NRXN3: variants seen among roughly 807,000 people sequenced by gnomAD.
NRXN3 encodes neurexin 3.
A neutral mutation model predicts 137.6 loss-of-function variants in NRXN3; 32 were observed. The observed-to-expected ratio is 0.23, with a 90% CI of 0.18 to 0.31. The LOEUF (loss-of-function observed/expected upper bound fraction) is 0.31, where lower values mean the gene tolerates loss of function less well. Ranked by LOEUF, NRXN3 falls within the 10% of genes least tolerant of loss-of-function variation. The pLI, the probability that NRXN3 is intolerant of heterozygous loss-of-function variation, is 1.00. For missense variants in NRXN3, 1,574 were observed against 2,062.5 expected (o/e 0.76, Z 4.59); for synonymous variants, 798 against 784.5 (o/e 1.02, Z -0.29).
Position 79,692,252 on chromosome 14 carries a change from G to T in NRXN3, c.3696G>T (p.Leu1232=). The T allele has an allele frequency of 6.2e-7, 1 of 1,605,086 alleles. No individual in the cohort carries two copies. The highest frequency in any genetic ancestry group is 8.5e-7 in the Non-Finnish European group (1 of 1,175,926). ...FKYNRPVEEW[L]QEKGRQLTIF... Reference sequence around the variant, plus strand: ...ATAATCGGCCTGTAGAGGAGTGGCTGCAGGAAAAAGGTAACCGTCATTAAA... The same window carrying T: ...ATAATCGGCCTGTAGAGGAGTGGCTTCAGGAAAAAGGTAACCGTCATTAAA... Residue 1232 remains leucine (L), a synonymous_variant, in exon 18 of 21, where the codon CTG becomes CTT. Coordinates refer to ENST00000335750, the MANE Select transcript of NRXN3 (RefSeq NM_001330195.2).
At chr14:78,887,334 T>G (rs1402237612) in intron 10 of NRXN3, among the ~76,000 whole-genome samples, 2 of 152,072 alleles carry the variant, frequency 1.3e-5, no homozygotes, top group East Asian at 3.9e-4. Context: ...GGCTGATGAT[T>G]TGTTTAGGCT....
chr14:79,442,203 A>G (rs1317515953), intron 15 of NRXN3, among the ~76,000 whole-genome samples: 1 of 152,242 alleles, frequency 6.6e-6, no homozygotes, highest in African/African-American at 2.4e-5. Context: ...TTATGATGAT[A>G]TAAGCATTGT....
intron 16 of NRXN3, among the ~76,000 whole-genome samples, chr14:79,528,407 G>T (rs2097140762): frequency 6.6e-6 from 1 of 152,034 alleles, no homozygotes; most frequent in African/African-American, 2.4e-5. Context: ...TACTATTTTA[G>T]GTTTACTGTT....
At chr14:79,332,650 T>C (rs1274571566) in intron 15 of NRXN3, among the ~76,000 whole-genome samples, 1 of 152,222 alleles carries the variant, frequency 6.6e-6, no homozygotes, top group Admixed American at 6.5e-5. Flanking sequence ...TCTTCTGGGT[T>C]TTCCCAGCGC....
At chr14:78,235,971 G>T (rs1161916810) in intron 1 of NRXN3, among the ~76,000 whole-genome samples, 1 of 152,176 alleles carries the variant, frequency 6.6e-6, no homozygotes, top group Non-Finnish European at 1.5e-5. Context: ...TAGAAGAGAG[G>T]TTGGTTTTGA....
At chr14:79,833,932 A>G (rs1207073653) in intron 20 of NRXN3, among the ~76,000 whole-genome samples, 1 of 152,194 alleles carries the variant, frequency 6.6e-6, no homozygotes, top group East Asian at 1.9e-4. Context: ...CCATTCTAAT[A>G]TATATCTGCA....
chr14:78,595,250 C>A (rs1277483830), intron 4 of NRXN3, among the ~76,000 whole-genome samples: 1 of 152,142 alleles, frequency 6.6e-6, no homozygotes, highest in Non-Finnish European at 1.5e-5. Flanking sequence ...TCCCTGCTGG[C>A]CCCAGAAATT....
intron 15 of NRXN3, among the ~76,000 whole-genome samples, chr14:79,355,669 TAAAC>T (rs1182550908): frequency 6.6e-6 from 1 of 152,182 alleles, no homozygotes; most frequent in Non-Finnish European, 1.5e-5. Flanking sequence ...AAAGACAAAA[TAAAC>T]AATAAATATT....
chr14:78,315,235 C>T (rs944527942), intron 4 of NRXN3, among the ~76,000 whole-genome samples: 8 of 151,962 alleles, frequency 5.3e-5, no homozygotes, highest in African/African-American at 1.2e-4. Flanking sequence ...TAAGTTGATC[C>T]GCCCACCTCA....
chr14:78,429,578 CAGAT>C (rs2093796647), intron 4 of NRXN3, among the ~76,000 whole-genome samples: 1 of 152,144 alleles, frequency 6.6e-6, no homozygotes, highest in Non-Finnish European at 1.5e-5. Flanking sequence ...AGATTTTACT[CAGAT>C]AGTCACACAA....
At chr14:78,797,142 C>T (rs964120327) in intron 8 of NRXN3, among the ~76,000 whole-genome samples, 7 of 152,104 alleles carry the variant, frequency 4.6e-5, no homozygotes, top group African/African-American at 1.7e-4. Flanking sequence ...AACAGGGGAA[C>T]CTTTCTGAGG....
intron 15 of NRXN3, among the ~76,000 whole-genome samples, chr14:79,204,088 C>A (rs2066451557): frequency 6.6e-6 from 1 of 151,784 alleles, no homozygotes; most frequent in Non-Finnish European, 1.5e-5. Context: ...TGTGTGTGGC[C>A]CATGCTACAC....
intron 19 of NRXN3, among the ~76,000 whole-genome samples, chr14:79,761,406 T>TA (rs2099038025): frequency 6.6e-6 from 1 of 151,650 alleles, no homozygotes; most frequent in Non-Finnish European, 1.5e-5. Flanking sequence ...AAACATCTGT[T>TA]ATACTCCAAA....
chr14:79,069,315 T>C (rs1162952387), intron 15 of NRXN3, among the ~76,000 whole-genome samples: 1 of 152,156 alleles, frequency 6.6e-6, no homozygotes, highest in Non-Finnish European at 1.5e-5. Flanking sequence ...CTCAGTGATA[T>C]GATTTTAATA....
chr14:78,201,433 G>C (rs2061667179), intron 1 of NRXN3, among the ~76,000 whole-genome samples: 1 of 152,156 alleles, frequency 6.6e-6, no homozygotes, highest in Non-Finnish European at 1.5e-5. Flanking sequence ...GGAAATGCAT[G>C]TCCAGATCTC....
intron 11 of NRXN3, among the ~76,000 whole-genome samples, chr14:78,961,824 C>A (rs1165757004): frequency 2.6e-5 from 4 of 152,128 alleles, no homozygotes; most frequent in African/African-American, 9.7e-5. Flanking sequence ...TGAACCTGGC[C>A]AGAATTTTCC....
rs1462625054 is a variant in NRXN3, at chr14:79,692,238, G to A, written c.3682G>A (p.Val1228Ile). 4.3e-6 allele frequency: 7 copies of A among 1,609,234 alleles called. No individual in the cohort carries two copies. The highest frequency in any genetic ancestry group is 5.9e-6 in the Non-Finnish European group (7 of 1,177,732). ...AATCCCCTTCAAATATAATCGGCCT[G>A]TAGAGGAGTGGCTGCAGGAAAAAGG... ...QKIPFKYNRP[V>I]EEWLQEKGRQ... is the part of the protein sequence containing the mutation. Residue 1228 changes from valine (V) to isoleucine (I), a missense_variant, in exon 18 of 21, where the codon GTA (valine) becomes ATA (isoleucine). This residue lies in a region of NRXN3 where 133 missense variants were observed against 241.8 expected (regional missense o/e 0.55). Transcript: ENST00000335750.
intron 10 of NRXN3, among the ~76,000 whole-genome samples, chr14:78,927,222 G>C (rs1303389913): frequency 6.7e-6 from 1 of 150,328 alleles, no homozygotes; most frequent in East Asian, 2.0e-4. Context: ...TGATCAACAA[G>C]GTAGACTAAG....
chr14:79,786,568 G>C (rs1019516426), intron 19 of NRXN3, among the ~76,000 whole-genome samples: 2 of 152,166 alleles, frequency 1.3e-5, no homozygotes, highest in African/African-American at 2.4e-5. Flanking sequence ...AAAACCTAAA[G>C]CATATTTATT....
Sources: allele counts gnomAD v4.1 joint callset (sites outside exome capture counted in the v4.1 genomes callset), GRCh38; gene constraint gnomAD v4.1.1; regional missense constraint gnomAD v4.1.1; transcripts MANE v1.5; gene names NCBI Gene and HGNC (gene_info 2026-07-23, HGNC 2026-07-21).